URB1: variants seen among roughly 807,000 people sequenced by gnomAD.
URB1 encodes nucleolar pre-ribosomal-associated protein 1.
URB1 carries 197 observed loss-of-function variants against 242.3 expected under a neutral mutation model. The ratio of observed to expected loss-of-function variants is 0.81; its 90% CI spans 0.72 to 0.91. The LOEUF (loss-of-function observed/expected upper bound fraction) is 0.91, where lower values mean the gene tolerates loss of function less well. URB1 is among the 40% of genes least tolerant of loss of function. The probability of loss-of-function intolerance (pLI) is 0.00; values close to 1 mark genes in which losing one functional copy is unlikely to be tolerated. For missense variants in URB1, 2,721 were observed against 2,860.5 expected (o/e 0.95, Z 1.11); for synonymous variants, 1,153 against 1,201.8 (o/e 0.96, Z 0.84).
rs1193537716 is a variant in URB1, at chr21:32,349,524, G to A, written c.2833-41C>T. On this transcript the variant is annotated intron_variant, in intron 20 of 38. Coordinates refer to ENST00000382751, the MANE Select transcript of URB1 (RefSeq NM_014825.3). The stretch of plus-strand genomic sequence containing the variant: ...CACGAGCCTCAGCAGGGAAGAGACG[G>A]GTTCACAGCTACCAGGCAGTGACTT... 2.0e-6 allele frequency: 3 copies of A among 1,493,644 alleles called. No individual in the cohort carries two copies. The South Asian group carries it at 3.9e-5, about 20-fold the overall frequency. The allele number at this position is 1,493,644 out of a possible 1,614,324, so 92.5% of individuals were successfully genotyped here.
intron 28 of URB1, among the ~76,000 whole-genome samples, chr21:32,335,789 C>T (rs1176441341): frequency 6.6e-6 from 1 of 152,228 alleles, no homozygotes; most frequent in African/African-American, 2.4e-5. Context: ...CAGGCCTGCT[C>T]CCTCATCTAA....
chr21:32,338,821 G>A lies in URB1; in HGVS notation c.4396C>T (p.Arg1466Cys), dbSNP rs368234911. ...ACCGGGAGCTGGATGAGCTTCGTGC[G>A]CACGGAGCTTTCTGGGCTGTACAGG... ...QLLYSPESSVRTKLIQLPVVY... is the reference protein window; with the variant it reads ...QLLYSPESSVCTKLIQLPVVY... Residue 1466 changes from arginine (R) to cysteine (C), a missense_variant, in exon 26 of 39, where the codon CGC becomes TGC. Coordinates refer to ENST00000382751, the MANE Select transcript of URB1 (RefSeq NM_014825.3). 7.3e-5 allele frequency: 113 copies of A among 1,551,600 alleles called. No individual in the cohort carries two copies. In the East Asian group the frequency reaches 1.5e-3, roughly 20 times the overall value.
intron 19 of URB1, among the ~76,000 whole-genome samples, chr21:32,352,363 T>C (rs7275258): frequency 0.21 from 31,925 of 152,086 alleles, 5,132 homozygotes; most frequent in African/African-American, 0.45. Context: ...TGCTAAGGTC[T>C]GCAGAGGAGA....
In URB1 at chr21:32,341,322, T is replaced by G. The variant is rs571803782; in HGVS notation, c.4316+144A>C. On this transcript the variant is annotated intron_variant, in intron 25 of 38. Transcript: ENST00000382751. The stretch of plus-strand genomic sequence containing the variant: ...TGTGTCAAGAGGCAAATCATTTAAC[T>G]TCTCCAACTTCTATCTCTAAAAACG... 1.5e-4 allele frequency: 113 copies of G among 748,188 alleles called. No homozygotes were observed. In the Middle Eastern group the frequency reaches 2.4e-3, roughly 16 times the overall value. 46.3% of individuals were successfully genotyped at this position (748,188 alleles called of 1,614,324 possible).
In URB1 at chr21:32,355,526, C is replaced by T. The variant is rs1213280287; in HGVS notation, c.2029G>A (p.Glu677Lys). Reference sequence around the variant, plus strand: ...AAATGCTCCAGCCAGAGCTCCAGCTCCTTCCAGGTGTGCTCAAACACCCCC... The same window carrying T: ...AAATGCTCCAGCCAGAGCTCCAGCTTCTTCCAGGTGTGCTCAAACACCCCC... ...DTGVFEHTWK[E>K]LELWLEHLEN... The change falls in exon 16 of 39, where the codon GAG becomes AAG. Residue 677 changes from glutamate to lysine, a missense_variant. Coordinates refer to ENST00000382751, the MANE Select transcript of URB1 (RefSeq NM_014825.3). 2.6e-6 allele frequency: 4 copies of T among 1,551,772 alleles called. No individual in the cohort carries two copies. The highest frequency in any genetic ancestry group is 3.5e-6 in the Non-Finnish European group (4 of 1,147,010).
At position 32,358,407 on chromosome 21, in the gene URB1, G is replaced by A. The variant is rs368774473; in HGVS notation, c.1870-751C>T. Among the ~76,000 whole-genome samples the A allele has an allele frequency of 3.8e-4, 58 of 152,308 alleles. No homozygotes were observed. In the South Asian group the frequency reaches 0.011, roughly 29 times the overall value. The stretch of plus-strand genomic sequence containing the variant: ...ATGATGTCCTTGTTACTTTCATCAC[G>A]ATGCCAGTGCTGATAGAACGGATTG... On this transcript the variant is annotated intron_variant, in intron 14 of 38. Transcript: ENST00000382751.
At chr21:32,352,541 G>A (rs1164171780) in intron 19 of URB1, among the ~76,000 whole-genome samples, 169 bp downstream of exon 19, 1 of 152,228 alleles carries the variant, frequency 6.6e-6, no homozygotes, top group Non-Finnish European at 1.5e-5. Context: ...TGTTAGCTGA[G>A]CACCAGGGAT....
intron 12 of URB1, 68 bp from the exon 13 acceptor site, chr21:32,361,191 G>GAAAGAAAGAAAGAAAGAA: frequency 1.1e-6 from 1 of 872,022 alleles, no homozygotes; most frequent in South Asian, 1.8e-5. Context: ...AAGAAAGAAA[G>GAAAGAAAGAAAGAAAGAA]AAAGAAAGAA....
chr21:32,372,348 G>A (rs1027084926), intron 8 of URB1, among the ~76,000 whole-genome samples, 159 bp downstream of exon 8: 1 of 152,212 alleles, frequency 6.6e-6, no homozygotes, highest in Non-Finnish European at 1.5e-5. Flanking sequence ...ATGCAACAAG[G>A]AGAAGTTCTC....
chr21:32,359,871 A>G lies in URB1; in HGVS notation c.1794T>C (p.Pro598=), dbSNP rs1469558304. ...TCAGCATGTGGTGCTGCAGAATGGG[A>G]GGCACCTCCTCTCGAAGGCCCTGCT... ...ISEQGLREEV[P]PILQHHMLKV... The change falls in exon 14 of 39, where the codon CCT becomes CCC. Residue 598 remains proline, a synonymous_variant. Coordinates refer to ENST00000382751, the MANE Select transcript of URB1 (RefSeq NM_014825.3). The G allele has an allele frequency of 6.5e-7, 1 of 1,548,162 alleles. No individual in the cohort carries two copies.
At chr21:32,377,524 T>C (rs983012560) in intron 5 of URB1, among the ~76,000 whole-genome samples, 5 of 150,994 alleles carry the variant, frequency 3.3e-5, no homozygotes, top group Admixed American at 6.6e-5. Flanking sequence ...TAGTGCCTGG[T>C]AACAAGTAGG....
chr21:32,382,704 A>T (rs1601158799), intron 4 of URB1, among the ~76,000 whole-genome samples: 2 of 152,120 alleles, frequency 1.3e-5, no homozygotes, highest in African/African-American at 4.8e-5. Flanking sequence ...CCAGCAGGGG[A>T]GCTGATATGG....
chr21:32,366,982 T>C (rs2033353852), intron 9 of URB1, among the ~76,000 whole-genome samples: 1 of 152,188 alleles, frequency 6.6e-6, no homozygotes, highest in Admixed American at 6.5e-5. Flanking sequence ...AGAGCAGAAC[T>C]TGACCTGTGG....
In URB1 at chr21:32,392,915, G is replaced by C; in HGVS notation, c.-5C>G. 1 of 1,509,864 alleles carries C rather than the reference G, an allele frequency of 6.6e-7. No homozygotes were observed. Among genetic ancestry groups the C allele is most frequent in the Non-Finnish European group, 8.8e-7 (1 of 1,132,164 alleles). The allele number at this position is 1,509,864 out of a possible 1,614,324, so 93.5% of individuals were successfully genotyped here. A position where few individuals can be genotyped will look rare whatever the true frequency, so the allele number is the denominator to read the frequency against. ...CTTCCTCTTGGGGACCCCCATGGCC[G>C]AGAGGGCGGAAGCGCGACGGAAACG... On this transcript the variant is annotated 5_prime_UTR_variant, in exon 1 of 39. Coordinates refer to ENST00000382751, the MANE Select transcript of URB1 (RefSeq NM_014825.3).
At chr21:32,359,747 G>A (rs1191400900) in intron 14 of URB1, 49 bp downstream of exon 14, 34 of 1,470,728 alleles carry the variant, frequency 2.3e-5, no homozygotes, top group East Asian at 5.2e-5. Flanking sequence ...GAAGCCACCC[G>A]GCCCAGCAGG....
intron 6 of URB1, among the ~76,000 whole-genome samples, chr21:32,375,156 T>G (rs900886143): frequency 6.6e-6 from 1 of 152,222 alleles, no homozygotes; most frequent in Admixed American, 6.5e-5. Context: ...TCTGCTGCTG[T>G]AATAAAACAG....
At chr21:32,350,648 C>A in intron 20 of URB1, 56 bp downstream of exon 20, 1 of 1,531,346 alleles carries the variant, frequency 6.5e-7, no homozygotes, top group Non-Finnish European at 8.8e-7. Context: ...TCAGAGAAGG[C>A]TTAGCTCTCT....
intron 1 of URB1, among the ~76,000 whole-genome samples, 187 bp from the exon 2 acceptor site, chr21:32,385,871 G>A (rs893665460): frequency 6.6e-6 from 1 of 152,108 alleles, no homozygotes; most frequent in Non-Finnish European, 1.5e-5. Flanking sequence ...CCTAAACCCG[G>A]CCGGGCGCGG....
intron 15 of URB1, 27 bp downstream of exon 15, chr21:32,357,510 A>G: frequency 1.3e-5 from 19 of 1,477,438 alleles, no homozygotes; most frequent in Non-Finnish European, 1.7e-5. Flanking sequence ...TGCTTTTCAG[A>G]GTTAGAAACT....
Sources: gnomAD v4.1 joint callset for allele counts (sites outside exome capture counted in the v4.1 genomes callset) on GRCh38, gnomAD v4.1.1 for gene constraint, MANE v1.5 for transcripts, NCBI Gene and HGNC (gene_info 2026-07-23, HGNC 2026-07-21) for gene names.